The following SASH1 variants were observed in gnomAD, a reference collection of about 807,000 sequenced individuals.
SASH1 encodes the protein SAM and SH3 domain containing 1, also known as SAM and SH3 domain-containing protein 1.
Under a neutral mutation model 125.2 loss-of-function variants are expected in SASH1, and 44 were observed. The observed-to-expected ratio is 0.35, with a 90% CI of 0.28 to 0.45. SASH1 has a LOEUF of 0.45. SASH1 is among the 20% of genes least tolerant of loss of function. SASH1 has a pLI of 1.00. For missense variants in SASH1, 1,426 were observed against 1,614.5 expected, an observed-to-expected ratio of 0.88 and a Z score of 2.00; for synonymous variants, 639 against 649.1, an observed-to-expected ratio of 0.98 and a Z score of 0.24.
intron 2 of SASH1, among the ~76,000 whole-genome samples, chr6:148,410,991 C>T (rs1033798748): frequency 1.3e-5 from 2 of 151,952 alleles, no homozygotes; most frequent in South Asian, 2.1e-4. Context: ...GAAAACCTAT[C>T]TCTATTAAAA....
At position 148,495,763 on chromosome 6, in the gene SASH1, G is replaced by A. The variant is rs1045598946; in HGVS notation, c.729+8048G>A. Among the ~76,000 whole-genome samples the A allele has an allele frequency of 2.0e-5, 3 of 152,156 alleles. No individual in the cohort carries two copies. Among genetic ancestry groups the A allele is most frequent in the Middle Eastern group, 3.2e-3 (1 of 316 alleles). ...TGACACATACTGTAGTACTTCAGTC[G>A]GCGTTGTAGGTCCGGTGAAAGTATC... is the stretch of plus-strand genomic sequence containing the variant. On this transcript the variant is annotated intron_variant, in intron 8 of 19. Coordinates refer to ENST00000367467, the MANE Select transcript of SASH1 (RefSeq NM_015278.5). The surrounding 1 kb of genome is among the most constrained non-coding windows in gnomAD (Gnocchi z 4.0).
At chr6:148,354,858 G>A (rs778719680) in intron 1 of SASH1, among the ~76,000 whole-genome samples, 12 of 152,240 alleles carry the variant, frequency 7.9e-5, no homozygotes, top group South Asian at 2.1e-4. Context: ...TGCCTCCCGC[G>A]TTCAAGCAAT....
At chr6:148,354,781 G>T (rs539626521) in intron 1 of SASH1, among the ~76,000 whole-genome samples, 1 of 151,982 alleles carries the variant, frequency 6.6e-6, no homozygotes, top group Non-Finnish European at 1.5e-5. Flanking sequence ...ATTTTCCCGC[G>T]AGATGGAGTC....
chr6:148,281,997 G>A (rs1322166259), intron 1 of SASH1, among the ~76,000 whole-genome samples: 1 of 152,052 alleles, frequency 6.6e-6, no homozygotes, highest in Non-Finnish European at 1.5e-5. Context: ...TGTGACTATA[G>A]TACACAATCA....
At chr6:148,250,917 C>T in the SASH1 span, among the ~76,000 whole-genome samples, 6 of 152,278 alleles carry the variant, frequency 3.9e-5, no homozygotes, top group Non-Finnish European at 5.9e-5. Flanking sequence ...AACTTTGTGC[C>T]GGTCTCTGAA....
At chr6:148,220,810 A>G in the SASH1 span, among the ~76,000 whole-genome samples, 1 of 152,170 alleles carries the variant, frequency 6.6e-6, no homozygotes, top group Non-Finnish European at 1.5e-5. Context: ...GCTACTCTGG[A>G]GGCTGAGGCA....
At chr6:148,449,083 T>TTTTTTTTTTTTTTTTTC (rs1776961094) in intron 4 of SASH1, among the ~76,000 whole-genome samples, 1 of 129,650 alleles carries the variant, frequency 7.7e-6, no homozygotes, top group Non-Finnish European at 1.7e-5. Flanking sequence ...CATTTCTTTT[T>TTTTTTTTTTTTTTTTTC]TTTTTTTTTT....
the SASH1 span, among the ~76,000 whole-genome samples, chr6:148,206,489 A>G: frequency 6.6e-6 from 1 of 151,912 alleles, no homozygotes; most frequent in African/African-American, 2.4e-5. Flanking sequence ...TAGAAAATTT[A>G]CATTAATACA....
At chr6:148,264,748 A>G in the SASH1 span, among the ~76,000 whole-genome samples, 2 of 152,132 alleles carry the variant, frequency 1.3e-5, no homozygotes, top group African/African-American at 2.4e-5. Flanking sequence ...TGGCCTCTTC[A>G]TATCCTTTGA....
the SASH1 span, among the ~76,000 whole-genome samples, chr6:148,254,528 T>C: frequency 2.0e-5 from 3 of 152,144 alleles, no homozygotes; most frequent in South Asian, 2.1e-4. Context: ...CATTAAAAAA[T>C]AAGCCAAAGA....
chr6:148,349,751 A>G (rs1296713315), intron 1 of SASH1, among the ~76,000 whole-genome samples: 1 of 152,060 alleles, frequency 6.6e-6, no homozygotes, highest in African/African-American at 2.4e-5. Context: ...AGACTGCTCC[A>G]TGGTAACTTT....
intron 2 of SASH1, among the ~76,000 whole-genome samples, chr6:148,395,541 A>C (rs938766296): frequency 3.9e-5 from 6 of 152,196 alleles, no homozygotes; most frequent in Non-Finnish European, 8.8e-5. Context: ...GATGGGTAAA[A>C]ATTCAACAAT....
the SASH1 span, among the ~76,000 whole-genome samples, chr6:148,223,667 A>G: frequency 6.6e-6 from 1 of 152,230 alleles, no homozygotes; most frequent in Non-Finnish European, 1.5e-5. Context: ...AATATATGCA[A>G]TGAGATAAAA....
chr6:148,381,437 A>T (rs1401054897), intron 1 of SASH1, among the ~76,000 whole-genome samples: 1 of 151,924 alleles, frequency 6.6e-6, no homozygotes, highest in African/African-American at 2.4e-5. Context: ...GGGAGCAGGG[A>T]GTGTAAGAAG....
chr6:148,482,999 T>G (rs1467632639), intron 7 of SASH1, among the ~76,000 whole-genome samples: 3 of 152,152 alleles, frequency 2.0e-5, no homozygotes, highest in African/African-American at 7.2e-5. Context: ...CAAACTTTTC[T>G]TAATTCAGGT....
chr6:148,426,857 G>A (rs566832398), intron 2 of SASH1, among the ~76,000 whole-genome samples: 15 of 152,094 alleles, frequency 9.9e-5, no homozygotes, highest in Non-Finnish European at 2.1e-4. Context: ...CTTAGTGGTC[G>A]GGCACGGTGG....
chr6:148,452,797 A>G (rs1777164658), intron 4 of SASH1, among the ~76,000 whole-genome samples: 1 of 152,136 alleles, frequency 6.6e-6, no homozygotes, highest in Admixed American at 6.6e-5. Flanking sequence ...TGCCATACAC[A>G]CAGAGCTTAT....
intron 1 of SASH1, among the ~76,000 whole-genome samples, chr6:148,299,665 T>G (rs970482799): frequency 6.1e-5 from 7 of 113,904 alleles, no homozygotes; most frequent in Non-Finnish European, 1.3e-4. Context: ...AGACTCCACC[T>G]CAAAAGAAAA....
chr6:148,396,501 A>AAAAAAT (rs1783959404), intron 2 of SASH1, among the ~76,000 whole-genome samples: 2 of 148,776 alleles, frequency 1.3e-5, no homozygotes, highest in South Asian at 4.2e-4. Context: ...AAAAAAAAAA[A>AAAAAAT]AAGAAAGAAA....
Sources: allele counts gnomAD v4.1 joint callset (sites outside exome capture counted in the v4.1 genomes callset), GRCh38; gene constraint gnomAD v4.1.1; non-coding constraint Gnocchi (gnomAD v3.1); transcripts MANE v1.5; gene names NCBI Gene and HGNC (gene_info 2026-07-23, HGNC 2026-07-21).